The following UGT1A9 variants were observed in gnomAD, a reference collection of about 807,000 sequenced individuals.
The protein encoded by UGT1A9 is UDP-glucuronosyltransferase 1A9.
A neutral mutation model predicts 45.0 loss-of-function variants in UGT1A9; 35 were observed. That is an observed-to-expected ratio of 0.78 (90% confidence interval 0.59 to 1.03). The LOEUF (loss-of-function observed/expected upper bound fraction) is 1.03, where lower values mean the gene tolerates loss of function less well. UGT1A9 is among the 50% of genes least tolerant of loss of function. UGT1A9 has a pLI of 0.00. For missense variants in UGT1A9, 687 were observed against 666.6 expected (o/e 1.03, Z -0.34); for synonymous variants, 278 against 250.6 (o/e 1.11, Z -1.03).
At chr2:233,724,944 C>G (rs1166254724) in intron 1 of UGT1A9, among the ~76,000 whole-genome samples, 4 of 144,592 alleles carry the variant, frequency 2.8e-5, no homozygotes, top group African/African-American at 1.1e-4. Context: ...CGTCTGCAAT[C>G]CCGGCACCTC....
chr2:233,689,685 A>G (rs1172715108), intron 1 of UGT1A9, among the ~76,000 whole-genome samples: 1 of 152,190 alleles, frequency 6.6e-6, no homozygotes, highest in East Asian at 1.9e-4. Context: ...TGGCTGTCAG[A>G]GTTCAGTCGT....
intron 1 of UGT1A9, among the ~76,000 whole-genome samples, chr2:233,712,715 A>G (rs2125629619): frequency 1.3e-5 from 2 of 151,908 alleles, no homozygotes; most frequent in South Asian, 4.2e-4. Context: ...TTGGGAATTG[A>G]ATGAGAAACA....
chr2:233,675,965 A>G (rs941389310), intron 1 of UGT1A9, among the ~76,000 whole-genome samples: 4 of 152,210 alleles, frequency 2.6e-5, no homozygotes, highest in Non-Finnish European at 4.4e-5. Context: ...GGATTGTCTC[A>G]CACAACATCT....
At chr2:233,711,700 C>G (rs1349335285) in intron 1 of UGT1A9, among the ~76,000 whole-genome samples, 7 of 152,188 alleles carry the variant, frequency 4.6e-5, no homozygotes, top group African/African-American at 1.2e-4. Flanking sequence ...GTAACTTCCT[C>G]CCTAAGGGAA....
Position 233,745,246 on chromosome 2 carries a change from G to A in UGT1A9, c.856-21788G>A, listed in dbSNP as rs148872010. Among the ~76,000 whole-genome samples, 467 of 151,884 alleles carry A rather than the reference G, an allele frequency of 3.1e-3. 15 individuals are homozygous for A. The highest frequency in any genetic ancestry group is 0.011 in the African/African-American group (453 of 41,220). ...GAAATACAGCACTATTTACTGTATCGAAACCATTAAGACTTGCAGGCCGTG... is the reference window on the plus strand; with the variant it reads ...GAAATACAGCACTATTTACTGTATCAAAACCATTAAGACTTGCAGGCCGTG... On this transcript the variant is annotated intron_variant, in intron 1 of 4. Coordinates refer to ENST00000354728, the MANE Select transcript of UGT1A9 (RefSeq NM_021027.3).
intron 1 of UGT1A9, among the ~76,000 whole-genome samples, chr2:233,692,590 G>A (rs1014156032): frequency 6.6e-6 from 1 of 152,164 alleles, no homozygotes; most frequent in African/African-American, 2.4e-5. Flanking sequence ...GAATAGGTCC[G>A]TGTGCAAGAA....
intron 1 of UGT1A9, chr2:233,693,661 C>G: frequency 6.2e-7 from 1 of 1,614,126 alleles, no homozygotes; most frequent in Non-Finnish European, 8.5e-7. Flanking sequence ...TGTTGGAGCC[C>G]TATCTATTTT....
rs78733940 is a variant in UGT1A9 at position 233,687,983 on chromosome 2, A to G, written c.855+15194A>G. Among the ~76,000 whole-genome samples, 1,272 of 152,352 alleles carry G rather than the reference A, an allele frequency of 8.3e-3. 13 individuals are homozygous for G. The highest frequency in any genetic ancestry group is 0.029 in the African/African-American group (1,199 of 41,588). On this transcript the variant is annotated intron_variant, in intron 1 of 4. Transcript: ENST00000354728. Reference sequence around the variant, plus strand: ...ATGTAATTCATGTATCGTAAAATTCAGTGGTTTTCTGTGTGCTCCCAGATA... The same window carrying G: ...ATGTAATTCATGTATCGTAAAATTCGGTGGTTTTCTGTGTGCTCCCAGATA...
chr2:233,737,815 G>A lies in UGT1A9; in HGVS notation c.856-29219G>A, dbSNP rs147002980. Among the ~76,000 whole-genome samples, 731 of 152,128 alleles carry A rather than the reference G, an allele frequency of 4.8e-3. 11 individuals carry two copies. The highest frequency in any genetic ancestry group is 0.017 in the African/African-American group (690 of 41,476). On this transcript the variant is annotated intron_variant, in intron 1 of 4. Coordinates refer to ENST00000354728, the MANE Select transcript of UGT1A9 (RefSeq NM_021027.3). ...AAATCTTCACTATCATCTCAGTGGA[G>A]CAGAACAAATTGGGAACTGTGGCAC...
chr2:233,721,828 C>A, intron 1 of UGT1A9: 1 of 516,354 alleles, frequency 1.9e-6, no homozygotes, highest in South Asian at 1.4e-5. Context: ...CTATTTGGGC[C>A]ACCGACCTTG....
intron 1 of UGT1A9, among the ~76,000 whole-genome samples, chr2:233,742,222 G>C (rs1373280517): frequency 2.0e-5 from 3 of 151,942 alleles, no homozygotes; most frequent in Non-Finnish European, 4.4e-5. Context: ...TCAGGGCTGA[G>C]AGCCCCAAAC....
At chr2:233,733,349 A>G (rs2078383878) in intron 1 of UGT1A9, among the ~76,000 whole-genome samples, 1 of 152,106 alleles carries the variant, frequency 6.6e-6, no homozygotes, top group South Asian at 2.1e-4. Flanking sequence ...CAGTATGTTG[A>G]GTAGGAGTGG....
intron 1 of UGT1A9, among the ~76,000 whole-genome samples, chr2:233,758,290 A>G (rs1270361168): frequency 6.6e-6 from 1 of 152,254 alleles, no homozygotes; most frequent in East Asian, 1.9e-4. Flanking sequence ...AGCTGTGGCC[A>G]CAAACCATCC....
intron 1 of UGT1A9, among the ~76,000 whole-genome samples, chr2:233,714,855 A>G (rs1055272801): frequency 1.3e-5 from 2 of 152,158 alleles, no homozygotes; most frequent in Non-Finnish European, 2.9e-5. Context: ...TATTCCATGG[A>G]TAAAACTAAA....
chr2:233,752,662 G>T (rs1695027689), intron 1 of UGT1A9: 5 of 152,258 alleles, frequency 3.3e-5, no homozygotes, highest in Admixed American at 2.0e-4. Flanking sequence ...TGAGGAGGAA[G>T]GATCACTTGA....
At chr2:233,688,902 G>C (rs1305603391) in intron 1 of UGT1A9, among the ~76,000 whole-genome samples, 2 of 152,140 alleles carry the variant, frequency 1.3e-5, no homozygotes, top group African/African-American at 2.4e-5. Flanking sequence ...AGAAGTTGGG[G>C]GGATGGTGTG....
chr2:233,712,705 T>C (rs991902225), intron 1 of UGT1A9, among the ~76,000 whole-genome samples: 6 of 152,022 alleles, frequency 3.9e-5, no homozygotes, highest in South Asian at 2.1e-4. Context: ...CAGCCTTGTG[T>C]TGGGAATTGA....
intron 1 of UGT1A9, chr2:233,693,818 G>C (rs766165182): frequency 2.5e-6 from 4 of 1,614,200 alleles, no homozygotes; most frequent in Non-Finnish European, 3.4e-6. Flanking sequence ...GCCCAACATG[G>C]TCTTCATTGG....
At chr2:233,703,200 C>A (rs1199767775) in intron 1 of UGT1A9, among the ~76,000 whole-genome samples, 1 of 152,068 alleles carries the variant, frequency 6.6e-6, no homozygotes, top group African/African-American at 2.4e-5. Context: ...AGGAATTTGT[C>A]AATTTTATCT....
Sources: gnomAD v4.1 joint callset for allele counts (sites outside exome capture counted in the v4.1 genomes callset) on GRCh38, gnomAD v4.1.1 for gene constraint, MANE v1.5 for transcripts, NCBI Gene and HGNC (gene_info 2026-07-23, HGNC 2026-07-21) for gene names.